SV2C: variants seen among roughly 807,000 people sequenced by gnomAD.
SV2C encodes synaptic vesicle glycoprotein 2C, also known as solute carrier family 22 member B3.
SV2C carries 49 observed loss-of-function variants against 79.7 expected under a neutral mutation model. The observed-to-expected ratio is 0.61, with a 90% CI of 0.49 to 0.78. The LOEUF is 0.78. Ranked by LOEUF, SV2C falls within the 30% of genes least tolerant of loss-of-function variation. SV2C has a pLI of 0.00. For synonymous variants in SV2C, 334 were observed against 333.2 expected (o/e 1.00, Z -0.03); for missense variants, 833 against 912.9 (o/e 0.91, Z 1.13).
chr5:76,083,947 C>T (rs1427085454), intron 1 of SV2C: 1 of 151,858 alleles, frequency 6.6e-6, no homozygotes, highest in African/African-American at 2.4e-5. Flanking sequence ...GGACCTATAC[C>T]TTCATAGCTG....
At chr5:76,236,914 T>C (rs1330105918) in intron 4 of SV2C, among the ~76,000 whole-genome samples, 1 of 152,176 alleles carries the variant, frequency 6.6e-6, no homozygotes, top group Non-Finnish European at 1.5e-5. Flanking sequence ...GTTTCCCCCA[T>C]GCTGTTCTCA....
intron 2 of SV2C, among the ~76,000 whole-genome samples, chr5:76,179,514 C>T (rs1381111766): frequency 1.3e-5 from 2 of 152,176 alleles, no homozygotes; most frequent in African/African-American, 4.8e-5. Context: ...CATTAATAGT[C>T]ATAATAAAAA....
At chr5:76,273,553 G>A (rs751585946) in intron 4 of SV2C, among the ~76,000 whole-genome samples, 2 of 152,092 alleles carry the variant, frequency 1.3e-5, no homozygotes, top group African/African-American at 2.4e-5. Context: ...GTGCTTCTTC[G>A]AAAGCACGGT....
chr5:76,018,439 C>A, the SV2C span, among the ~76,000 whole-genome samples: 1 of 151,828 alleles, frequency 6.6e-6, no homozygotes, highest in East Asian at 1.9e-4. Flanking sequence ...CATGAATAAA[C>A]GTAAAGGGGT....
At chr5:76,225,087 A>C (rs192992575) in intron 4 of SV2C, among the ~76,000 whole-genome samples, 5 of 152,158 alleles carry the variant, frequency 3.3e-5, no homozygotes, top group African/African-American at 9.7e-5. Context: ...TTCCTATGTG[A>C]CTAATTTCCT....
the SV2C span, among the ~76,000 whole-genome samples, chr5:75,852,272 C>T: frequency 6.6e-6 from 1 of 152,016 alleles, no homozygotes; most frequent in Non-Finnish European, 1.5e-5. Flanking sequence ...ATGTAACAAA[C>T]CTGCACGTTC....
chr5:76,341,706 C>T (rs1159771563), intron 12 of SV2C, among the ~76,000 whole-genome samples: 1 of 152,124 alleles, frequency 6.6e-6, no homozygotes, highest in Non-Finnish European at 1.5e-5. Context: ...CAGCAATGTG[C>T]CTGACACACA....
intron 3 of SV2C, among the ~76,000 whole-genome samples, chr5:76,208,923 C>T (rs1247738943): frequency 1.3e-5 from 2 of 152,044 alleles, no homozygotes; most frequent in South Asian, 2.1e-4. Context: ...AATCTATGGC[C>T]CATCTCCTAA....
At position 76,106,049 on chromosome 5, in the gene SV2C, T is replaced by C. The variant is rs1465615466; in HGVS notation, c.-102+22537T>C. ...TTCAGCTACATACTCAGCATCTCCA[T>C]TGGATGTCTAATCAATAGCTTAAAT... On this transcript the variant is annotated intron_variant, in intron 1 of 12. Coordinates refer to ENST00000502798, the MANE Select transcript of SV2C (RefSeq NM_014979.4). Among the ~76,000 whole-genome samples the C allele has an allele frequency of 3.3e-5, 5 of 152,164 alleles. No individual in the cohort carries two copies. In the East Asian group the frequency reaches 5.8e-4, roughly 18 times the overall value.
the SV2C span, among the ~76,000 whole-genome samples, chr5:75,872,400 T>A: frequency 6.6e-6 from 1 of 152,002 alleles, no homozygotes; most frequent in Non-Finnish European, 1.5e-5. Flanking sequence ...CCAGGCAAAA[T>A]GATTCTGAAA....
the SV2C span, among the ~76,000 whole-genome samples, chr5:76,039,874 G>A: frequency 6.6e-6 from 1 of 152,004 alleles, no homozygotes; most frequent in Admixed American, 6.6e-5. Flanking sequence ...TTTCCATATG[G>A]ATAGATGCCC....
At chr5:76,100,114 AAGG>A (rs533215750) in intron 1 of SV2C, among the ~76,000 whole-genome samples, 156 of 152,332 alleles carry the variant, frequency 1.0e-3, no homozygotes, top group African/African-American at 3.7e-3. Context: ...ATAATAGGAA[AAGG>A]AGGAGCTTTA....
At chr5:76,136,710 C>A (rs930113984) in intron 2 of SV2C, among the ~76,000 whole-genome samples, 2 of 151,996 alleles carry the variant, frequency 1.3e-5, no homozygotes, top group Non-Finnish European at 2.9e-5. Context: ...CACATGTATC[C>A]CAGAACTTAA....
chr5:76,121,219 GT>G (rs1253258109), intron 1 of SV2C, among the ~76,000 whole-genome samples: 29 of 152,120 alleles, frequency 1.9e-4, no homozygotes, highest in Admixed American at 1.6e-3. Context: ...GGGGTTGTTT[GT>G]TTTTTTCTTG....
chr5:76,291,849 TC>T lies in SV2C; in HGVS notation c.1332del (p.Phe445LeufsTer25). 6.2e-7 allele frequency: 1 copy of T among 1,605,640 alleles called. No homozygotes were observed. The highest frequency in any genetic ancestry group is 8.5e-7 in the Non-Finnish European group (1 of 1,174,434). On this transcript the variant is annotated frameshift_variant, in exon 8 of 13. Coordinates refer to ENST00000502798, the MANE Select transcript of SV2C (RefSeq NM_014979.4). LOFTEE classifies it high-confidence loss of function. ...IKLTIVWFTLSFGYYGLSVWF... is the reference protein window; with the variant it reads ...IKLTIVWFTLXFGYYGLSVWF... ...GCTTACAATTGTTTGGTTCACCCTGTCCTTTGGGTAAGTGATATTTAAATTC... is the reference window on the plus strand; with the variant it reads ...GCTTACAATTGTTTGGTTCACCCTGTCTTTGGGTAAGTGATATTTAAATTC...
chr5:76,224,675 A>G (rs142971636), intron 4 of SV2C, among the ~76,000 whole-genome samples: 1 of 152,234 alleles, frequency 6.6e-6, no homozygotes, highest in African/African-American at 2.4e-5. Context: ...CTCATATCTT[A>G]GGGTACAAGT....
intron 4 of SV2C, among the ~76,000 whole-genome samples, chr5:76,214,738 C>A (rs1277331677): frequency 6.6e-6 from 1 of 152,092 alleles, no homozygotes; most frequent in African/African-American, 2.4e-5. Context: ...AAATCTTTTA[C>A]CTTCTGTGTT....
At chr5:76,163,694 C>T (rs1412881718) in intron 2 of SV2C, among the ~76,000 whole-genome samples, 1 of 152,198 alleles carries the variant, frequency 6.6e-6, no homozygotes, top group African/African-American at 2.4e-5. Context: ...ACAGATTAAA[C>T]ATTTTAAGAA....
At chr5:76,037,919 G>A in the SV2C span, among the ~76,000 whole-genome samples, 1 of 152,226 alleles carries the variant, frequency 6.6e-6, no homozygotes, top group Non-Finnish European at 1.5e-5. Flanking sequence ...GACCCTCCAA[G>A]CCAGGTGCCG....
Sources: allele counts gnomAD v4.1 joint callset (sites outside exome capture counted in the v4.1 genomes callset), GRCh38; gene constraint gnomAD v4.1.1; transcripts MANE v1.5; gene names NCBI Gene and HGNC (gene_info 2026-07-23, HGNC 2026-07-21).